Variants in KDM5B observed in about 807,000 individuals in gnomAD.
KDM5B encodes lysine demethylase 5B, also known as lysine-specific demethylase 5B.
In KDM5B, 144 loss-of-function variants were observed where a neutral mutation model predicts 193.4. The ratio of observed to expected loss-of-function variants is 0.74; its 90% confidence interval spans 0.65 to 0.86. KDM5B has a LOEUF of 0.86. KDM5B is among the 40% of genes least tolerant of loss of function. KDM5B has a pLI of 0.00. For missense variants in KDM5B, 1,833 were observed against 1,886.9 expected (o/e 0.97, Z 0.53); for synonymous variants, 668 against 682.6 (o/e 0.98, Z 0.33).
chr1:202,777,048 G>A lies in KDM5B; in HGVS notation c.251C>T (p.Thr84Met), dbSNP rs750095808. The A allele has an allele frequency of 5.6e-6, 9 of 1,613,220 alleles. No homozygotes were observed. The highest frequency in any genetic ancestry group is 1.3e-5 in the African/African-American group (1 of 74,910). Residue 84 changes from threonine to methionine, a missense_variant, in exon 2 of 27, where the codon ACG becomes ATG. Thr to Met is a moderately conservative substitution (Grantham distance 81). This residue lies in a region of KDM5B where 355 missense variants were observed against 374.9 expected (regional missense o/e 0.95). Transcript: ENST00000367265. ...TTCATTCAGTCTCTGGATACGTGGC[G>A]TAAAATGAAGTTTATCAACATCACA... The part of the protein sequence containing the change: ...FACDVDKLHF[T>M]PRIQRLNELE...
chr1:202,758,593 A>G (rs1266113603), intron 8 of KDM5B, 83 bp from the exon 9 acceptor site: 31 of 1,196,538 alleles, frequency 2.6e-5, no homozygotes, highest in Non-Finnish European at 3.4e-5. Flanking sequence ...CAGATAAAAA[A>G]CAAGGCTTTA....
chr1:202,746,675 A>AGAGGTATAGAT (rs1405503020), intron 14 of KDM5B: 1 of 169,830 alleles, frequency 5.9e-6, no homozygotes, highest in Non-Finnish European at 1.2e-5. Context: ...GATAAGATTA[A>AGAGGTATAGAT]AAGAAAGGAA....
intron 4 of KDM5B, among the ~76,000 whole-genome samples, chr1:202,768,896 T>C (rs186510496): frequency 2.6e-5 from 4 of 151,860 alleles, no homozygotes; most frequent in Admixed American, 2.6e-4. Flanking sequence ...TTTGTATTTT[T>C]AGTAGAGACG....
Position 202,750,775 on chromosome 1 carries a change from A to G in KDM5B, c.1705T>C (p.Tyr569His). 6.2e-7 allele frequency: 1 copy of G among 1,612,586 alleles called. No homozygotes were observed. Among genetic ancestry groups the G allele is most frequent in the Non-Finnish European group, 8.5e-7 (1 of 1,179,264 alleles). Residue 569 changes from tyrosine (Y) to histidine (H), a missense_variant, in exon 13 of 27, where the codon TAC becomes CAC. Coordinates refer to ENST00000367265, the MANE Select transcript of KDM5B (RefSeq NM_006618.5). Reference sequence around the variant, plus strand: ...TCCCCAGCACACTGATTAGTTCGGTAAACCTAAAGAGACAGAAATTGAAGA... The same window carrying G: ...TCCCCAGCACACTGATTAGTTCGGTGAACCTAAAGAGACAGAAATTGAAGA... ...NTLMTHEVPVYRTNQCAGEFV... is the reference protein window; with the variant it reads ...NTLMTHEVPVHRTNQCAGEFV...
chr1:202,763,117 A>T (rs1656317120), intron 6 of KDM5B, among the ~76,000 whole-genome samples: 1 of 152,216 alleles, frequency 6.6e-6, no homozygotes, highest in Non-Finnish European at 1.5e-5. Context: ...ATGAAATCAA[A>T]TTCCTGTTGG....
intron 1 of KDM5B, among the ~76,000 whole-genome samples, chr1:202,805,066 T>C (rs915508857): frequency 6.6e-6 from 1 of 152,078 alleles, no homozygotes; most frequent in Non-Finnish European, 1.5e-5. Flanking sequence ...TACCACAAAG[T>C]GATATGGAAA....
intron 14 of KDM5B, among the ~76,000 whole-genome samples, chr1:202,747,524 A>G (rs1328477016): frequency 6.6e-6 from 1 of 151,666 alleles, no homozygotes; most frequent in Non-Finnish European, 1.5e-5. Context: ...AATGGGCTGC[A>G]GAGAGCCAAT....
intron 4 of KDM5B, among the ~76,000 whole-genome samples, chr1:202,768,543 A>G (rs1049910029): frequency 2.6e-5 from 4 of 152,144 alleles, no homozygotes; most frequent in Admixed American, 6.5e-5. Flanking sequence ...AAAGCAACAC[A>G]ATGATAAAAT....
In KDM5B at chr1:202,729,778, C is replaced by G; in HGVS notation, c.4426G>C (p.Glu1476Gln). The change falls in exon 26 of 27, where the codon GAA (glutamate) becomes CAA (glutamine). Residue 1476 changes from glutamate (E) to glutamine (Q), a missense_variant. Transcript: ENST00000367265. ...HSLPSDTSYSEQEDSEDEDAI... is the reference protein window; with the variant it reads ...HSLPSDTSYSQQEDSEDEDAI... ...TCTTCATCCTCAGAGTCTTCCTGTTCGGAATAGGATGTGTCTGAGGGCAGG... is the reference window on the plus strand; with the variant it reads ...TCTTCATCCTCAGAGTCTTCCTGTTGGGAATAGGATGTGTCTGAGGGCAGG... The G allele has an allele frequency of 6.2e-7, 1 of 1,613,984 alleles. No individual in the cohort carries two copies. Among genetic ancestry groups the G allele is most frequent in the Non-Finnish European group, 8.5e-7 (1 of 1,179,894 alleles).
intron 23 of KDM5B, 172 bp from the exon 24 acceptor site, chr1:202,732,111 T>C: frequency 1.8e-6 from 1 of 556,778 alleles, no homozygotes; most frequent in Non-Finnish European, 3.1e-6. Context: ...ACTGGCCAAA[T>C]CAACTCATAT....
At chr1:202,794,938 T>TGTG (rs1185925523) in intron 1 of KDM5B, among the ~76,000 whole-genome samples, 1 of 152,008 alleles carries the variant, frequency 6.6e-6, no homozygotes, top group Non-Finnish European at 1.5e-5. Flanking sequence ...TGGGGCCGGG[T>TGTG]GTGGTGGCTC....
At chr1:202,734,800 A>C (rs890395765) in intron 22 of KDM5B, among the ~76,000 whole-genome samples, 1 of 152,256 alleles carries the variant, frequency 6.6e-6, no homozygotes, top group African/African-American at 2.4e-5. Flanking sequence ...CAAAGAAATC[A>C]ATGGGAGAAG....
intron 1 of KDM5B, among the ~76,000 whole-genome samples, chr1:202,777,626 G>A (rs1334523755): frequency 6.6e-6 from 1 of 151,834 alleles, no homozygotes; most frequent in Non-Finnish European, 1.5e-5. Context: ...CCAAGTATCT[G>A]GGACCACAGG....
At chr1:202,772,606 A>G (rs1001350908) in intron 4 of KDM5B, among the ~76,000 whole-genome samples, 4 of 152,184 alleles carry the variant, frequency 2.6e-5, no homozygotes, top group Non-Finnish European at 5.9e-5. Flanking sequence ...TTTCCTCCAC[A>G]ATCTTACTCA....
At chr1:202,798,170 C>T (rs1234050795) in intron 1 of KDM5B, among the ~76,000 whole-genome samples, 1 of 152,136 alleles carries the variant, frequency 6.6e-6, no homozygotes, top group Non-Finnish European at 1.5e-5. Flanking sequence ...TGCTGCACTC[C>T]AGCCTGGCAA....
chr1:202,787,000 C>T (rs1657440970), intron 1 of KDM5B, among the ~76,000 whole-genome samples: 1 of 152,090 alleles, frequency 6.6e-6, no homozygotes, highest in Admixed American at 6.6e-5. Context: ...CATGTCTTTG[C>T]AGAATCAAGT....
intron 4 of KDM5B, among the ~76,000 whole-genome samples, chr1:202,768,405 A>G (rs1656563904): frequency 6.6e-6 from 1 of 152,176 alleles, no homozygotes; most frequent in Non-Finnish European, 1.5e-5. Flanking sequence ...ACGTGGAAAT[A>G]ACAACCTTCC....
At chr1:202,756,629 T>C (rs1402170226) in intron 9 of KDM5B, 113 bp from the exon 10 acceptor site, 1 of 724,372 alleles carries the variant, frequency 1.4e-6, no homozygotes, top group African/African-American at 1.8e-5. Flanking sequence ...GTGTCTATAA[T>C]GTTCTATAAT....
At chr1:202,774,012 C>A (rs778502233) in intron 3 of KDM5B, among the ~76,000 whole-genome samples, 16 of 152,196 alleles carry the variant, frequency 1.1e-4, no homozygotes, top group Non-Finnish European at 1.6e-4. Flanking sequence ...GCTGGGATTA[C>A]AGGCATGAGC....
Sources: allele counts gnomAD v4.1 joint callset (sites outside exome capture counted in the v4.1 genomes callset), GRCh38; gene constraint gnomAD v4.1.1; regional missense constraint gnomAD v4.1.1; transcripts MANE v1.5; gene names NCBI Gene and HGNC (gene_info 2026-07-23, HGNC 2026-07-21).